BBS9: variants seen among roughly 807,000 people sequenced by gnomAD.
BBS9 encodes the protein protein PTHB1.
In BBS9, 89 loss-of-function variants were observed where a neutral mutation model predicts 117.7. That is an observed-to-expected ratio of 0.76 (90% confidence interval 0.64 to 0.90). BBS9 has a LOEUF of 0.90. BBS9 is among the 40% of genes least tolerant of loss of function. BBS9 has a pLI of 0.00. For synonymous variants in BBS9, 379 were observed against 370.9 expected (o/e 1.02, Z -0.25); for missense variants, 982 against 1,042.2 (o/e 0.94, Z 0.80).
chr7:33,224,463 C>G (rs1790863405), intron 5 of BBS9, among the ~76,000 whole-genome samples: 3 of 152,220 alleles, frequency 2.0e-5, no homozygotes, highest in African/African-American at 7.2e-5. Flanking sequence ...AGCATTCTTA[C>G]AGCAAACATT....
At chr7:33,251,068 C>T (rs1796143194) in intron 5 of BBS9, among the ~76,000 whole-genome samples, 1 of 152,118 alleles carries the variant, frequency 6.6e-6, no homozygotes, top group Non-Finnish European at 1.5e-5. Flanking sequence ...ATGCGCTGAT[C>T]TACTTGATTC....
chr7:33,557,209 T>C (rs902829185), intron 21 of BBS9, among the ~76,000 whole-genome samples: 1 of 152,210 alleles, frequency 6.6e-6, no homozygotes, highest in Non-Finnish European at 1.5e-5. Context: ...AATCATCTCT[T>C]CAATTATCCC....
At chr7:33,283,136 A>G (rs538462944) in intron 9 of BBS9, among the ~76,000 whole-genome samples, 1 of 152,120 alleles carries the variant, frequency 6.6e-6, no homozygotes, top group Non-Finnish European at 1.5e-5. Context: ...GTTGAGTTTA[A>G]TCATCCTGTA....
chr7:33,512,637 C>T (rs979131664), intron 20 of BBS9, among the ~76,000 whole-genome samples: 1 of 152,190 alleles, frequency 6.6e-6, no homozygotes, highest in Admixed American at 6.5e-5. Flanking sequence ...ATACTTTTCC[C>T]TGACCTAGTT....
chr7:33,498,727 A>G (rs1375363268), intron 19 of BBS9, among the ~76,000 whole-genome samples: 2 of 152,218 alleles, frequency 1.3e-5, no homozygotes, highest in Non-Finnish European at 2.9e-5. Flanking sequence ...ATTCCATTAT[A>G]TGAATATGCC....
At chr7:33,296,148 G>A (rs1805228475) in intron 9 of BBS9, among the ~76,000 whole-genome samples, 1 of 151,936 alleles carries the variant, frequency 6.6e-6, no homozygotes, top group African/African-American at 2.4e-5. Context: ...ATTTTAACTA[G>A]CTTAAAAAAC....
intron 21 of BBS9, among the ~76,000 whole-genome samples, chr7:33,536,627 G>A (rs1242438057): frequency 1.2e-5 from 1 of 82,742 alleles, no homozygotes; most frequent in Non-Finnish European, 2.6e-5. Context: ...CAGTGGTACA[G>A]ATTTGTTTTT....
At chr7:33,233,923 A>G (rs1469338018) in intron 5 of BBS9, among the ~76,000 whole-genome samples, 2 of 152,152 alleles carry the variant, frequency 1.3e-5, no homozygotes. Context: ...GCTGTAGCCC[A>G]GAAATATTAA....
chr7:33,543,787 A>T (rs1162303294), intron 21 of BBS9, among the ~76,000 whole-genome samples: 1 of 152,158 alleles, frequency 6.6e-6, no homozygotes, highest in African/African-American at 2.4e-5. Context: ...TCCCCCAAAT[A>T]TGTTTTCCAG....
intron 17 of BBS9, among the ~76,000 whole-genome samples, chr7:33,376,655 C>T (rs1823951780): frequency 6.6e-6 from 1 of 152,206 alleles, no homozygotes; most frequent in African/African-American, 2.4e-5. Context: ...TTTACACCCC[C>T]ACCAGCAGTG....
At chr7:33,486,847 T>G (rs1843183724) in intron 19 of BBS9, among the ~76,000 whole-genome samples, 1 of 152,154 alleles carries the variant, frequency 6.6e-6, no homozygotes, top group South Asian at 2.1e-4. Flanking sequence ...TTTTTCTAAT[T>G]CTCTACAGCT....
downstream of BBS9, among the ~76,000 whole-genome samples, chr7:33,607,059 C>A (rs186123484): frequency 1.3e-5 from 2 of 152,118 alleles, no homozygotes; most frequent in Non-Finnish European, 2.9e-5. Flanking sequence ...TCTCTACATA[C>A]CTCTCTCTTA....
chr7:33,253,880 G>A (rs1298175244), intron 5 of BBS9, among the ~76,000 whole-genome samples: 2 of 152,134 alleles, frequency 1.3e-5, no homozygotes, highest in African/African-American at 4.8e-5. Context: ...TGTAAATAGA[G>A]GACTGTAAGT....
intron 4 of BBS9, among the ~76,000 whole-genome samples, chr7:33,156,934 G>A (rs751639251): frequency 6.6e-6 from 1 of 151,952 alleles, no homozygotes; most frequent in African/African-American, 2.4e-5. Context: ...TACGATATAG[G>A]CTACTTTATT....
chr7:33,233,495 T>C (rs951202438), intron 5 of BBS9, among the ~76,000 whole-genome samples: 1 of 152,180 alleles, frequency 6.6e-6, no homozygotes, highest in Non-Finnish European at 1.5e-5. Context: ...GTGATACTTA[T>C]TAAAGGATAT....
chr7:33,537,361 CT>C lies in BBS9; in HGVS notation c.2521+3187del, dbSNP rs532415888. ...GAAAATCTTTCCCAGTGGGAATTAC[CT>C]TATGAACTTCTTTGCCTTACATTTC... On this transcript the variant is annotated intron_variant, in intron 21 of 22. Transcript: ENST00000242067. Among the ~76,000 whole-genome samples the C allele has an allele frequency of 2.4e-3, 370 of 152,288 alleles. 2 individuals are homozygous for C. Among genetic ancestry groups the C allele is most frequent in the African/African-American group, 8.3e-3 (346 of 41,568 alleles).
At chr7:33,521,184 C>T (rs1437382175) in intron 20 of BBS9, among the ~76,000 whole-genome samples, 2 of 152,132 alleles carry the variant, frequency 1.3e-5, no homozygotes, top group Non-Finnish European at 2.9e-5. Flanking sequence ...TGTGTTCCTC[C>T]ATCTAAAGAA....
chr7:33,396,560 T>C (rs551697290), intron 19 of BBS9, among the ~76,000 whole-genome samples: 14 of 152,270 alleles, frequency 9.2e-5, no homozygotes, highest in African/African-American at 3.4e-4. Context: ...GAATCAGTAT[T>C]GTGCACATGG....
chr7:33,559,605 A>G (rs1376048650), intron 21 of BBS9, among the ~76,000 whole-genome samples: 1 of 152,190 alleles, frequency 6.6e-6, no homozygotes, highest in African/African-American at 2.4e-5. Flanking sequence ...TGACCTAACC[A>G]CTATCCGTGT....
Sources: allele counts gnomAD v4.1 joint callset (sites outside exome capture counted in the v4.1 genomes callset), GRCh38; gene constraint gnomAD v4.1.1; transcripts MANE v1.5; gene names NCBI Gene and HGNC (gene_info 2026-07-23, HGNC 2026-07-21).